The following ABCC5 variants were observed in gnomAD, a reference collection of about 807,000 sequenced individuals.
ABCC5 encodes the protein ATP binding cassette subfamily C member 5, also known as ATP-binding cassette sub-family C member 5.
A neutral mutation model predicts 160.9 loss-of-function variants in ABCC5; 61 were observed. The ratio of observed to expected loss-of-function variants is 0.38; its 90% CI spans 0.31 to 0.47. The LOEUF (loss-of-function observed/expected upper bound fraction) is 0.47, where lower values mean the gene tolerates loss of function less well. Ranked by LOEUF, ABCC5 falls within the 20% of genes least tolerant of loss-of-function variation. ABCC5 has a pLI of 0.99. For missense variants in ABCC5, 1,308 were observed against 1,813.3 expected (o/e 0.72, Z 5.06); for synonymous variants, 666 against 700.6 (o/e 0.95, Z 0.78).
chr3:183,950,242 T>A, intron 20 of ABCC5, 117 bp from the exon 21 acceptor site: 1 of 1,250,144 alleles, frequency 8.0e-7, no homozygotes, highest in Non-Finnish European at 1.1e-6. Context: ...ATGTTGTCTT[T>A]AAACAGTCTG....
chr3:183,965,420 G>C lies in ABCC5; in HGVS notation c.1915C>G (p.Leu639Val). ...AQQAWILNAT[L>V]RDNILFGKEY... ...TTCCCAAACAGGATGTTGTCTCTCA[G>C]AGTAGCATTGAGGATCCAGGCCTGC... Residue 639 changes from leucine (L) to valine (V), a missense_variant, in exon 13 of 30, where the codon CTG (leucine) becomes GTG (valine). Physicochemically the swap from Leu to Val is conservative, Grantham distance 32. This residue lies in a region of ABCC5 where 1,142 missense variants were observed against 1,527.1 expected (regional missense o/e 0.75). Transcript: ENST00000334444. The C allele has an allele frequency of 6.2e-7, 1 of 1,613,926 alleles. No homozygotes were observed. The highest frequency in any genetic ancestry group is 8.5e-7 in the Non-Finnish European group (1 of 1,180,032).
At chr3:183,923,984 T>A (rs1308604560) in intron 29 of ABCC5, among the ~76,000 whole-genome samples, 1 of 149,766 alleles carries the variant, frequency 6.7e-6, no homozygotes, top group African/African-American at 2.5e-5. Flanking sequence ...CCTTTTTTTT[T>A]AAATCCCACC....
chr3:183,947,580 C>T (rs544527405), intron 22 of ABCC5, 70 bp from the exon 23 acceptor site: 73 of 1,272,966 alleles, frequency 5.7e-5, no homozygotes, highest in East Asian at 1.5e-4. Context: ...AAAGCTTCAG[C>T]GAATCAGATG....
intron 2 of ABCC5, among the ~76,000 whole-genome samples, chr3:183,995,981 G>C (rs959671957): frequency 1.6e-4 from 24 of 152,120 alleles, no homozygotes; most frequent in Admixed American, 1.3e-3. Flanking sequence ...CTAATTTTTT[G>C]TATTTTTAGT....
intron 3 of ABCC5, among the ~76,000 whole-genome samples, chr3:183,989,024 G>T (rs1719487956): frequency 6.6e-6 from 1 of 151,824 alleles, no homozygotes; most frequent in African/African-American, 2.4e-5. Flanking sequence ...AAATTAGCTG[G>T]GCTTGGTGGT....
intron 29 of ABCC5, among the ~76,000 whole-genome samples, chr3:183,923,516 A>G (rs1400979506): frequency 6.6e-6 from 1 of 152,120 alleles, no homozygotes; most frequent in East Asian, 1.9e-4. Flanking sequence ...CCAGCTGCTC[A>G]GGAGACTGAG....
chr3:183,948,484 A>T (rs912110598), intron 22 of ABCC5, among the ~76,000 whole-genome samples: 10 of 152,216 alleles, frequency 6.6e-5, no homozygotes, highest in Non-Finnish European at 1.2e-4. Context: ...TTTGAAAATA[A>T]TTTTTTCTAA....
intron 17 of ABCC5, among the ~76,000 whole-genome samples, chr3:183,954,837 T>C (rs1715718935): frequency 6.6e-6 from 1 of 151,974 alleles, no homozygotes; most frequent in African/African-American, 2.4e-5. Flanking sequence ...TACAGCTTGG[T>C]TTTATGTTTT....
intron 25 of ABCC5, among the ~76,000 whole-genome samples, chr3:183,938,923 A>C (rs1714014041): frequency 6.6e-6 from 1 of 152,192 alleles, no homozygotes; most frequent in Non-Finnish European, 1.5e-5. Flanking sequence ...ATAGGAAACT[A>C]TGGCAGAGAA....
chr3:183,988,598 G>T lies in ABCC5; in HGVS notation c.417C>A (p.His139Gln), dbSNP rs769064388. The T allele has an allele frequency of 6.2e-7, 1 of 1,613,984 alleles. No individual in the cohort carries two copies. Among genetic ancestry groups the T allele is most frequent in the Admixed American group, 1.7e-5 (1 of 59,978 alleles). The change falls in exon 4 of 30, where the codon CAC becomes CAA. Residue 139 changes from histidine (H) to glutamine (Q), a missense_variant. His to Gln is a conservative substitution (Grantham distance 24). This residue lies in a region of ABCC5 where 1,142 missense variants were observed against 1,527.1 expected (regional missense o/e 0.75). Transcript: ENST00000334444. This position sits in a 1 kb window ranked among gnomAD's most constrained non-coding sequence, Gnocchi z 4.4. Reference protein sequence around the residue: ...SMEDVWSLSKHESSDVNCRRL... With the variant: ...SMEDVWSLSKQESSDVNCRRL... Reference sequence around the variant, plus strand: ...TTCTGCAGTTCACGTCAGAAGACTCGTGCTTGGACAGAGACCACACGTCTT... The same window carrying T: ...TTCTGCAGTTCACGTCAGAAGACTCTTGCTTGGACAGAGACCACACGTCTT...
chr3:184,009,725 A>G (rs182833541), intron 2 of ABCC5, among the ~76,000 whole-genome samples: 3 of 152,350 alleles, frequency 2.0e-5, no homozygotes, highest in East Asian at 3.9e-4. Context: ...GAATAAACCT[A>G]TGGGCTTATT....
At chr3:183,984,828 A>C in intron 5 of ABCC5, 1 of 1,585,920 alleles carries the variant, frequency 6.3e-7, no homozygotes, top group Non-Finnish European at 8.5e-7. Flanking sequence ...CAACTCAGTA[A>C]GATGGCGGTG....
chr3:183,992,969 C>T (rs1395669084), intron 2 of ABCC5, among the ~76,000 whole-genome samples: 2 of 152,072 alleles, frequency 1.3e-5, no homozygotes, highest in South Asian at 2.1e-4. Context: ...AACAAATCTC[C>T]ACAAAATGTT....
chr3:183,942,239 A>G (rs1210323730), intron 25 of ABCC5, among the ~76,000 whole-genome samples: 1 of 151,952 alleles, frequency 6.6e-6, no homozygotes, highest in Admixed American at 6.5e-5. Context: ...GGGTTTCACC[A>G]TGTTGTTCTG....
rs1717351829 is a variant in ABCC5, at chr3:183,967,680, T to C, written c.1833+15A>G. On this transcript the variant is annotated intron_variant, in intron 12 of 29. Transcript: ENST00000334444. ...CAGAGAAAGCAGCAGAAAAGGACAATAACAAAAATCTTACCTGGCCTAAAA... is the reference window on the plus strand; with the variant it reads ...CAGAGAAAGCAGCAGAAAAGGACAACAACAAAAATCTTACCTGGCCTAAAA... 1.9e-6 allele frequency: 3 copies of C among 1,607,046 alleles called. No individual in the cohort carries two copies. The highest frequency in any genetic ancestry group is 2.6e-6 in the Non-Finnish European group (3 of 1,173,736).
In ABCC5 at chr3:183,982,501, G is replaced by A; in HGVS notation, c.949C>T (p.Pro317Ser). ...ACAGCTGATCCCAGGAAGCCTGTTG[G>A]TCCCAGAATAATTACATTATAAATC... The part of the protein sequence containing the change: ...GMIYNVIILG[P>S]TGFLGSAVFI... Residue 317 changes from proline to serine, a missense_variant, in exon 7 of 30, where the codon CCA (proline) becomes TCA (serine). Around this residue, in one of 3 missense-constraint regions of ABCC5, gnomAD observed 1,142 missense variants for 1,527.1 expected, o/e 0.75. Transcript: ENST00000334444. The surrounding 1 kb of genome is among the most constrained non-coding windows in gnomAD (Gnocchi z 5.2). The A allele has an allele frequency of 6.2e-7, 1 of 1,614,164 alleles. No individual in the cohort carries two copies. Among genetic ancestry groups the A allele is most frequent in the East Asian group, 2.2e-5 (1 of 44,876 alleles).
chr3:183,949,730 C>T lies in ABCC5; in HGVS notation c.3227+23G>A, dbSNP rs200032437. ...TGGGATGCTGACTCCCCTTTGAGGC[C>T]TCTAGCCCCCATCAGGACAAACCTG... is the stretch of plus-strand genomic sequence containing the variant. On this transcript the variant is annotated intron_variant, in intron 22 of 29. Transcript: ENST00000334444. This position sits in a 1 kb window ranked among gnomAD's most constrained non-coding sequence, Gnocchi z 4.2. 87 of 1,613,182 alleles carry T rather than the reference C, an allele frequency of 5.4e-5. No homozygotes were observed. Among genetic ancestry groups the T allele is most frequent in the Non-Finnish European group, 6.6e-5 (78 of 1,179,774 alleles).
rs73046564 is a variant in ABCC5, at chr3:183,955,113, C to T, written c.2483-1843G>A. Among the ~76,000 whole-genome samples, 890 of 152,224 alleles carry T rather than the reference C, an allele frequency of 5.8e-3. 11 individuals are homozygous for T. The highest frequency in any genetic ancestry group is 0.02 in the African/African-American group (830 of 41,524). ...TCCCAGTAGCAGACGTCAGAGAGAA[C>T]AGATGTGAATGTCTCCTATCAAAGG... is the stretch of plus-strand genomic sequence containing the variant. On this transcript the variant is annotated intron_variant, in intron 17 of 29. Transcript: ENST00000334444.
At position 183,988,737 on chromosome 3, in the gene ABCC5, G is replaced by A. The variant is rs745657346; in HGVS notation, c.288-10C>T. The A allele has an allele frequency of 5.0e-6, 8 of 1,610,962 alleles. No homozygotes were observed. The South Asian group carries it at 7.7e-5, about 16-fold the overall frequency. ...CACTGGGTGCTGGTGTCTAAGGAGA[G>A]AAAACCGAAATCACAAAGCTATCAA... On this transcript the variant is annotated splice_polypyrimidine_tract_variant and intron_variant, in intron 3 of 29. Transcript: ENST00000334444. This position sits in a 1 kb window ranked among gnomAD's most constrained non-coding sequence, Gnocchi z 4.4.
Sources: gnomAD v4.1 joint callset for allele counts (sites outside exome capture counted in the v4.1 genomes callset) on GRCh38, gnomAD v4.1.1 for gene constraint, gnomAD v4.1.1 regional missense constraint, Gnocchi (gnomAD v3.1) non-coding constraint, MANE v1.5 for transcripts, NCBI Gene and HGNC (gene_info 2026-07-23, HGNC 2026-07-21) for gene names.